The following ATP2B1 variants were observed in gnomAD, a reference collection of about 807,000 sequenced individuals.
The protein encoded by ATP2B1 is ATPase plasma membrane Ca2+ transporting 1, also known as plasma membrane calcium-transporting ATPase 1.
A neutral mutation model predicts 124.2 loss-of-function variants in ATP2B1; 14 were observed. The ratio of observed to expected loss-of-function variants is 0.11; its 90% CI spans 0.07 to 0.18. The LOEUF is 0.18. ATP2B1 is among the 10% of genes least tolerant of loss of function. The pLI is 1.00. For missense variants in ATP2B1, 763 were observed against 1,466.1 expected (o/e 0.52, Z 7.83); for synonymous variants, 449 against 492.4 (o/e 0.91, Z 1.17).
Position 89,655,973 on chromosome 12 carries a change from T to C in ATP2B1, c.-87A>G. On this transcript the variant is annotated 5_prime_UTR_variant, in exon 2 of 21. It adds an upstream start codon to the 5' untranslated region. Coordinates refer to ENST00000428670, the MANE Select transcript of ATP2B1 (RefSeq NM_001366521.1). ...ATTTCCAAGATGAAAATCTTTTAAGTATGAAAATCTTTCTTAAACCAAACA... is the reference window on the plus strand; with the variant it reads ...ATTTCCAAGATGAAAATCTTTTAAGCATGAAAATCTTTCTTAAACCAAACA... 7.3e-7 allele frequency: 1 copy of C among 1,364,100 alleles called. No homozygotes were observed. The highest frequency in any genetic ancestry group is 1.5e-5 in the South Asian group (1 of 68,470). The allele number at this position is 1,364,100 out of a possible 1,614,324, so 84.5% of individuals were successfully genotyped here.
rs551360465 is a variant in ATP2B1, at chr12:89,654,345, A to G, written c.208+1334T>C. 1.3e-3 allele frequency among the ~76,000 whole-genome samples: 203 copies of G among 152,360 alleles called. 1 individual carries two copies. The highest frequency in any genetic ancestry group is 4.7e-3 in the African/African-American group (194 of 41,594). ...TGCAATACCATTTTAATGTATTAAT[A>G]GTTGGGATCAATCTTGTAGTAATCA... On this transcript the variant is annotated intron_variant, in intron 2 of 20. Coordinates refer to ENST00000428670, the MANE Select transcript of ATP2B1 (RefSeq NM_001366521.1).
At chr12:89,597,161 T>C (rs1874778734) in intron 20 of ATP2B1, among the ~76,000 whole-genome samples, 1 of 152,126 alleles carries the variant, frequency 6.6e-6, no homozygotes, top group South Asian at 2.1e-4. Context: ...ACATTTACCA[T>C]CTAGGGCTAG....
chr12:89,635,188 G>C lies in ATP2B1; in HGVS notation c.470C>G (p.Ala157Gly). The C allele has an allele frequency of 6.2e-7, 1 of 1,613,756 alleles. No homozygotes were observed. Among genetic ancestry groups the C allele is most frequent in the Non-Finnish European group, 8.5e-7 (1 of 1,179,840 alleles). Residue 157 changes from alanine (A) to glycine (G), a missense_variant, in exon 4 of 21, where the codon GCT becomes GGT. Ala to Gly is a moderately conservative substitution (Grantham distance 60). Coordinates refer to ENST00000428670, the MANE Select transcript of ATP2B1 (RefSeq NM_001366521.1). Reference protein sequence around the residue: ...GEGETGWIEGAAILLSVVCVV... With the variant: ...GEGETGWIEGGAILLSVVCVV... ...ACACACTACAGACAAGAGGATTGCA[G>C]CTCCTTCAATCCAACCAGTTTCACC...
At chr12:89,663,164 TC>T (rs1378213474) in intron 1 of ATP2B1, among the ~76,000 whole-genome samples, 4 of 152,186 alleles carry the variant, frequency 2.6e-5, no homozygotes, top group Non-Finnish European at 5.9e-5. Flanking sequence ...AAACAAAACT[TC>T]CTAACACTGT....
rs1233013582 is a variant in ATP2B1, at chr12:89,626,566, T to C, written c.1017A>G (p.Glu339=). The change falls in exon 8 of 21, where the codon GAA becomes GAG. Residue 339 remains glutamate, a synonymous_variant. Transcript: ENST00000428670. ...AAMEMQPLKS[E]EGGDGDEKDK... ...CTTTTTCATCACCATCTCCACCTTC[T>C]TCACTCTTCAATGGCTGCATTTCCA... 6.2e-7 allele frequency: 1 copy of C among 1,613,378 alleles called. No homozygotes were observed. The highest frequency in any genetic ancestry group is 8.5e-7 in the Non-Finnish European group (1 of 1,179,850).
chr12:89,608,907 T>C (rs979875914), intron 15 of ATP2B1, among the ~76,000 whole-genome samples: 3 of 152,160 alleles, frequency 2.0e-5, no homozygotes, highest in South Asian at 2.1e-4. Flanking sequence ...CTGCCAACCA[T>C]TTAAATTTGG....
intron 1 of ATP2B1, among the ~76,000 whole-genome samples, chr12:89,675,125 A>G (rs1414911954): frequency 1.3e-5 from 2 of 152,100 alleles, no homozygotes; most frequent in African/African-American, 2.4e-5. Flanking sequence ...GGGATCAACA[A>G]TTTTCATTAT....
chr12:89,690,365 C>A (rs896407861), intron 1 of ATP2B1, among the ~76,000 whole-genome samples: 4 of 146,908 alleles, frequency 2.7e-5, no homozygotes, highest in African/African-American at 1.0e-4. Flanking sequence ...AAGAGTAATT[C>A]TGTATAAAAG....
chr12:89,698,941 T>C (rs1255111393), intron 1 of ATP2B1, among the ~76,000 whole-genome samples: 1 of 152,294 alleles, frequency 6.6e-6, no homozygotes, highest in East Asian at 1.9e-4. Context: ...CCAGTGTGCA[T>C]AGCCTTCTCC....
intron 12 of ATP2B1, 39 bp downstream of exon 12, chr12:89,616,763 T>C (rs1332696674): frequency 3.2e-6 from 5 of 1,563,728 alleles, no homozygotes; most frequent in East Asian, 2.2e-5. Flanking sequence ...TCTATAGTTA[T>C]GAGATTCTGC....
chr12:89,680,736 C>T (rs747380058), intron 1 of ATP2B1, among the ~76,000 whole-genome samples: 3 of 151,874 alleles, frequency 2.0e-5, no homozygotes, highest in Non-Finnish European at 2.9e-5. Context: ...ATGAAAGGGT[C>T]CACTGTATAT....
chr12:89,624,088 C>T lies in ATP2B1; in HGVS notation c.1344+95G>A, dbSNP rs542690328. 4 of 1,122,604 alleles carry T rather than the reference C, an allele frequency of 3.6e-6. No homozygotes were observed. In the East Asian group the frequency reaches 1.0e-4, roughly 29 times the overall value. 69.5% of individuals were successfully genotyped at this position (1,122,604 alleles called of 1,614,324 possible). On this transcript the variant is annotated intron_variant, in intron 9 of 20. Transcript: ENST00000428670. The stretch of plus-strand genomic sequence containing the variant: ...GTGTACATTTATATGAAAGTCCTCA[C>T]TTTCAGAAGCAGAAAAGGAGTAACT...
At position 89,707,996 on chromosome 12, in the gene ATP2B1, C is replaced by T. The variant is rs1892694631; in HGVS notation, c.-222+600G>A. 2.0e-5 allele frequency among the ~76,000 whole-genome samples: 3 copies of T among 152,332 alleles called. No individual in the cohort carries two copies. The East Asian group carries it at 5.8e-4, about 29-fold the overall frequency. ...AAACAACTGTGAACATCCTGGGGGGCCAGACGGAAGGCGTGAGGAGAAAGA... is the reference window on the plus strand; with the variant it reads ...AAACAACTGTGAACATCCTGGGGGGTCAGACGGAAGGCGTGAGGAGAAAGA... On this transcript the variant is annotated intron_variant, in intron 1 of 20. Transcript: ENST00000428670.
intron 1 of ATP2B1, among the ~76,000 whole-genome samples, chr12:89,674,778 G>T (rs1888414167): frequency 6.6e-6 from 1 of 152,144 alleles, no homozygotes; most frequent in Non-Finnish European, 1.5e-5. Flanking sequence ...AGTGTGGTTT[G>T]CTCCTCAGCA....
intron 1 of ATP2B1, among the ~76,000 whole-genome samples, chr12:89,677,969 T>TACAC (rs1207955529): frequency 3.0e-4 from 18 of 59,526 alleles, no homozygotes; most frequent in African/African-American, 7.0e-4. Context: ...TATATATATA[T>TACAC]ATACACACAC....
chr12:89,626,115 T>C (rs1880836987), intron 8 of ATP2B1, among the ~76,000 whole-genome samples: 1 of 152,172 alleles, frequency 6.6e-6, no homozygotes, highest in South Asian at 2.1e-4. Context: ...ATGAGCAAAA[T>C]GTGTGATGAA....
intron 1 of ATP2B1, among the ~76,000 whole-genome samples, chr12:89,701,894 A>G (rs148687913): frequency 1.7e-3 from 254 of 152,308 alleles, no homozygotes; most frequent in African/African-American, 5.8e-3. Context: ...CACATTCACA[A>G]CAAAAGGATG....
chr12:89,598,440 A>G (rs1445512911), intron 20 of ATP2B1: 2 of 851,534 alleles, frequency 2.3e-6, no homozygotes, highest in Non-Finnish European at 3.5e-6. Flanking sequence ...AACAACAACG[A>G]CAACACTTTG....
In ATP2B1 at chr12:89,604,667, C is replaced by A. The variant is rs367693823; in HGVS notation, c.2443-321G>T. 5.3e-4 allele frequency among the ~76,000 whole-genome samples: 81 copies of A among 152,130 alleles called. 2 individuals carry two copies. The South Asian group carries it at 0.016, about 30-fold the overall frequency. The stretch of plus-strand genomic sequence containing the variant: ...TCTGTTAATAAAAAGCAAACAAACT[C>A]TATGAAGACAAAGTTAGAGGAAAAG... On this transcript the variant is annotated intron_variant, in intron 15 of 20. Transcript: ENST00000428670.
Sources: gnomAD v4.1 joint callset for allele counts (sites outside exome capture counted in the v4.1 genomes callset) on GRCh38, gnomAD v4.1.1 for gene constraint, MANE v1.5 for transcripts, NCBI Gene and HGNC (gene_info 2026-07-23, HGNC 2026-07-21) for gene names.